Variants in DAZL observed in about 807,000 individuals in gnomAD.
DAZL encodes the protein deleted in azoospermia-like.
A neutral mutation model predicts 45.0 loss-of-function variants in DAZL; 4 were observed. The observed-to-expected ratio is 0.09, with a 90% CI of 0.04 to 0.20. DAZL has a LOEUF of 0.20. DAZL is among the 10% of genes least tolerant of loss of function. DAZL has a pLI of 1.00. For missense variants in DAZL, 326 were observed against 351.3 expected, an observed-to-expected ratio of 0.93 and a Z score of 0.58; for synonymous variants, 122 against 112.4, an observed-to-expected ratio of 1.09 and a Z score of -0.54.
chr3:16,596,924 A>G, intron 5 of DAZL, 35 bp from the exon 6 acceptor site: 1 of 1,613,582 alleles, frequency 6.2e-7, no homozygotes. Context: ...GCCTATTTTT[A>G]GTTCTTTGAA....
At position 16,605,304 on chromosome 3, in the gene DAZL, CT is replaced by C; in HGVS notation, c.-100del. 1 of 1,471,348 alleles carries C rather than the reference CT, an allele frequency of 6.8e-7. No homozygotes were observed. The highest frequency in any genetic ancestry group is 9.5e-7 in the Non-Finnish European group (1 of 1,050,014). 91.1% of individuals were successfully genotyped at this position (1,471,348 alleles called of 1,614,324 possible). On this transcript the variant is annotated 5_prime_UTR_variant, in exon 1 of 11. Coordinates refer to ENST00000399444, the MANE Select transcript of DAZL (RefSeq NM_001351.4). ...CTGCTGTGAGGTCCGCTGGAACCCGCTGCGCGGCTTCGAGTGGTCAAAGGAG... is the reference window on the plus strand; with the variant it reads ...CTGCTGTGAGGTCCGCTGGAACCCGCGCGCGGCTTCGAGTGGTCAAAGGAG...
At position 16,592,086 on chromosome 3, in the gene DAZL, C is replaced by T. The variant is rs752191063; in HGVS notation, c.798G>A (p.Leu266=). Residue 266 remains leucine (L), a synonymous_variant, in exon 10 of 11, where the codon CTG becomes CTA. Coordinates refer to ENST00000399444, the MANE Select transcript of DAZL (RefSeq NM_001351.4). ...VSCLFNPENR[L]RNSVVTQDDY... ...CATCTTGAGTAACAACAGAGTTTCT[C>T]AGTCTGTTCTCTGGATTAAACAGAC... is the stretch of plus-strand genomic sequence containing the variant. 17 of 1,613,770 alleles carry T rather than the reference C, an allele frequency of 1.1e-5. No individual in the cohort carries two copies. In the South Asian group the frequency reaches 1.9e-4, roughly 18 times the overall value.
intron 7 of DAZL, among the ~76,000 whole-genome samples, chr3:16,594,807 T>G (rs1359679089): frequency 3.3e-5 from 5 of 152,130 alleles, no homozygotes; most frequent in Non-Finnish European, 7.4e-5. Flanking sequence ...GAGTTGGCAT[T>G]GTGGAAATCT....
At chr3:16,601,995 A>G (rs1694696935) in intron 1 of DAZL, among the ~76,000 whole-genome samples, 1 of 152,206 alleles carries the variant, frequency 6.6e-6, no homozygotes, top group African/African-American at 2.4e-5. Context: ...TATAATTTGT[A>G]GTTATCAAAG....
chr3:16,597,939 A>C lies in DAZL; in HGVS notation c.242+148T>G, dbSNP rs1262366443. On this transcript the variant is annotated intron_variant, in intron 3 of 10. Coordinates refer to ENST00000399444, the MANE Select transcript of DAZL (RefSeq NM_001351.4). ...AAAACAAACATTAGAAAAATGATTA[A>C]AAGAGCTGGCAATAAACTTTTATCC... The C allele has an allele frequency of 4.7e-6, 4 of 842,914 alleles. No homozygotes were observed. The East Asian group carries it at 1.2e-4, about 25-fold the overall frequency. 52.2% of individuals were successfully genotyped at this position (842,914 alleles called of 1,614,324 possible).
chr3:16,590,263 A>C (rs1453614993), intron 10 of DAZL, among the ~76,000 whole-genome samples: 1 of 123,868 alleles, frequency 8.1e-6, no homozygotes, highest in Non-Finnish European at 2.0e-5. Flanking sequence ...AAGTATGTTT[A>C]CTCCCTGTTG....
At chr3:16,596,186 T>A (rs923667589) in intron 6 of DAZL, among the ~76,000 whole-genome samples, 1 of 152,032 alleles carries the variant, frequency 6.6e-6, no homozygotes, top group African/African-American at 2.4e-5. Context: ...TAAAATGAAC[T>A]AAGAAGAAAA....
At chr3:16,598,428 A>C in intron 2 of DAZL, 24 bp downstream of exon 2, 4 of 1,603,304 alleles carry the variant, frequency 2.5e-6, no homozygotes, top group Non-Finnish European at 1.7e-6. Flanking sequence ...ATTTCAAGGT[A>C]AAAATGAGGT....
chr3:16,605,088 G>C (rs1427776625), intron 1 of DAZL, 115 bp downstream of exon 1: 6 of 1,339,658 alleles, frequency 4.5e-6, no homozygotes, highest in Non-Finnish European at 2.1e-6. Context: ...CCAGGCAGGT[G>C]CCCCCCAAAC....
At chr3:16,599,232 A>C (rs769475987) in intron 1 of DAZL, among the ~76,000 whole-genome samples, 1 of 152,154 alleles carries the variant, frequency 6.6e-6, no homozygotes, top group Non-Finnish European at 1.5e-5. Context: ...TGTAAAAATC[A>C]AAATTAAAAT....
chr3:16,604,885 C>T (rs1694753648), intron 1 of DAZL: 1 of 722,246 alleles, frequency 1.4e-6, no homozygotes. Context: ...CAAACCTCTG[C>T]CAGTAGAGAA....
chr3:16,593,683 G>T lies in DAZL; in HGVS notation c.707C>A (p.Thr236Asn). 2 of 1,611,466 alleles carry T rather than the reference G, an allele frequency of 1.2e-6. No homozygotes were observed. The highest frequency in any genetic ancestry group is 1.7e-6 in the Non-Finnish European group (2 of 1,178,392). The change falls in exon 9 of 11, where the codon ACT (threonine) becomes AAT (asparagine). Residue 236 changes from threonine to asparagine, a missense_variant. By Grantham distance (65) the Thr-to-Asn change is moderately conservative. This residue lies in a region of DAZL where 227 missense variants were observed against 216.6 expected (regional missense o/e 1.05). Transcript: ENST00000399444. ...TTGTGGGCCATTTCCAGAGGGTGGA[G>T]TAGCTTCATGAACTGAACATTCATT... Reference protein sequence around the residue: ...VPNECSVHEATPPSGNGPQKK... With the variant: ...VPNECSVHEANPPSGNGPQKK...
At chr3:16,592,989 T>G (rs1362091478) in intron 9 of DAZL, among the ~76,000 whole-genome samples, 1 of 152,204 alleles carries the variant, frequency 6.6e-6, no homozygotes, top group Non-Finnish European at 1.5e-5. Flanking sequence ...ATTCAATATT[T>G]GAATAATTAT....
chr3:16,592,828 C>T (rs563714621), intron 9 of DAZL, among the ~76,000 whole-genome samples: 8 of 152,246 alleles, frequency 5.3e-5, no homozygotes, highest in South Asian at 4.1e-4. Flanking sequence ...AAGGAATTTA[C>T]ACTCCAATGG....
chr3:16,601,380 A>T (rs1694686940), intron 1 of DAZL, among the ~76,000 whole-genome samples: 1 of 152,336 alleles, frequency 6.6e-6, no homozygotes, highest in South Asian at 2.1e-4. Context: ...GGATCACTTT[A>T]ATAGCGTAAT....
rs377458477 is a variant in DAZL, at chr3:16,598,112, T to C, written c.217A>G (p.Thr73Ala). ...YGSVKEVKII[T>A]DRTGVSKGYG... The stretch of plus-strand genomic sequence containing the variant: ...CCTTTGGACACACCAGTTCGATCAG[T>C]GATTATCTTCACTTCTTTCACTGAA... Residue 73 changes from threonine (T) to alanine (A), a missense_variant, in exon 3 of 11, where the codon ACT becomes GCT. By Grantham distance (58) the Thr-to-Ala change is moderately conservative. This residue lies in a region of DAZL where 81 missense variants were observed against 89.6 expected (regional missense o/e 0.90). Transcript: ENST00000399444. 7 of 1,598,792 alleles carry C rather than the reference T, an allele frequency of 4.4e-6. No individual in the cohort carries two copies. The highest frequency in any genetic ancestry group is 6.0e-6 in the Non-Finnish European group (7 of 1,169,190).
intron 1 of DAZL, 83 bp from the exon 2 acceptor site, chr3:16,598,681 G>T: frequency 5.9e-6 from 8 of 1,355,884 alleles, no homozygotes; most frequent in Non-Finnish European, 7.8e-6. Flanking sequence ...TGTATTTTAA[G>T]TATAAAATAT....
intron 1 of DAZL, among the ~76,000 whole-genome samples, chr3:16,603,907 G>C (rs1203494330): frequency 6.6e-6 from 1 of 152,112 alleles, no homozygotes; most frequent in African/African-American, 2.4e-5. Context: ...TAAGTGTTGG[G>C]ATTAAGATGG....
chr3:16,605,256 T>G lies in DAZL; in HGVS notation c.-51A>C, dbSNP rs751285544. 6.2e-7 allele frequency: 1 copy of G among 1,613,324 alleles called. No individual in the cohort carries two copies. Among genetic ancestry groups the G allele is most frequent in the Non-Finnish European group, 8.5e-7 (1 of 1,179,256 alleles). On this transcript the variant is annotated 5_prime_UTR_variant, in exon 1 of 11. Transcript: ENST00000399444. ...CCGGCTCCAGGAGGAGCAGAGGCTG[T>G]GCTTGGCGCACCACTTCTGGGGCTG... is the stretch of plus-strand genomic sequence containing the variant.
Sources: gnomAD v4.1 joint callset for allele counts (sites outside exome capture counted in the v4.1 genomes callset) on GRCh38, gnomAD v4.1.1 for gene constraint, gnomAD v4.1.1 regional missense constraint, MANE v1.5 for transcripts, NCBI Gene and HGNC (gene_info 2026-07-23, HGNC 2026-07-21) for gene names.